Variants in ARHGAP9 observed in about 807,000 individuals in gnomAD.
ARHGAP9 encodes rho GTPase-activating protein 9.
ARHGAP9 carries 76 observed loss-of-function variants against 87.3 expected under a neutral mutation model. That is an observed-to-expected ratio of 0.87 (90% CI 0.72 to 1.05). ARHGAP9 has a LOEUF of 1.05. Ranked by LOEUF, ARHGAP9 falls within the 50% of genes least tolerant of loss-of-function variation. The pLI, the probability that ARHGAP9 is intolerant of heterozygous loss-of-function variation, is 0.00. For synonymous variants in ARHGAP9, 382 were observed against 394.9 expected (o/e 0.97, Z 0.39); for missense variants, 941 against 960.5 (o/e 0.98, Z 0.27).
Position 57,475,854 on chromosome 12 carries a change from C to T in ARHGAP9, c.1290G>A (p.Leu430=). 6.2e-7 allele frequency: 1 copy of T among 1,613,926 alleles called. No individual in the cohort carries two copies. Among genetic ancestry groups the T allele is most frequent in the South Asian group, 1.1e-5 (1 of 91,064 alleles). The change falls in exon 10 of 18, where the codon CTG becomes CTA. Residue 430 remains leucine, a synonymous_variant. Transcript: ENST00000393791. Reference sequence around the variant, plus strand: ...TAACCAGCCGCTCGATGACAGTCCGCAGCGCGCGGTGCCAGGCTCGCAGCT... The same window carrying T: ...TAACCAGCCGCTCGATGACAGTCCGTAGCGCGCGGTGCCAGGCTCGCAGCT... ...ETELRAWHRA[L]RTVIERLDRE... is the part of the protein sequence containing the mutation.
At chr12:57,488,444 C>T in intron 1 of ARHGAP9, 1 of 940,562 alleles carries the variant, frequency 1.1e-6, no homozygotes, top group Non-Finnish European at 1.6e-6. Context: ...TCCCGGTCCC[C>T]GCCTCACCCC....
intron 17 of ARHGAP9, 47 bp downstream of exon 17, chr12:57,473,556 C>T (rs747509436): frequency 3.9e-6 from 6 of 1,547,784 alleles, no homozygotes; most frequent in Non-Finnish European, 5.4e-6. Flanking sequence ...TGGCATTCCC[C>T]ACTCCACCTT....
Position 57,477,154 on chromosome 12 carries a change from A to G in ARHGAP9, c.870+2T>C. 6.2e-7 allele frequency: 1 copy of G among 1,613,544 alleles called. No homozygotes were observed. On this transcript the variant is annotated splice_donor_variant, in intron 5 of 17. Coordinates refer to ENST00000393791, the MANE Select transcript of ARHGAP9 (RefSeq NM_032496.4). LOFTEE classifies it high-confidence loss of function. ...GTGACTGGGAGATGGGAGGGATCTC[A>G]CCTGTGGGTCAAGCGGTTCTGGGGT...
At chr12:57,472,875 C>T (rs796362485) in intron 17 of ARHGAP9, among the ~76,000 whole-genome samples, 187 bp from the exon 18 acceptor site, 20 of 152,262 alleles carry the variant, frequency 1.3e-4, no homozygotes, top group African/African-American at 4.6e-4. Context: ...AGGATACAAC[C>T]TGAAGATATA....
intron 3 of ARHGAP9, 144 bp from the exon 4 acceptor site, chr12:57,477,824 G>A: frequency 1.0e-5 from 15 of 1,500,306 alleles, no homozygotes; most frequent in Non-Finnish European, 1.3e-5. Context: ...TACTGGGGGA[G>A]AAACCTCAGG....
intron 14 of ARHGAP9, 66 bp from the exon 15 acceptor site, chr12:57,474,542 T>G: frequency 1.2e-6 from 2 of 1,613,300 alleles, no homozygotes; most frequent in Non-Finnish European, 1.7e-6. Flanking sequence ...GCCTCTCTAT[T>G]CTGCCAGCTT....
intron 1 of ARHGAP9, chr12:57,488,228 G>C (rs1186728868): frequency 1.3e-6 from 2 of 1,591,220 alleles, no homozygotes; most frequent in Non-Finnish European, 1.7e-6. Flanking sequence ...GTGGGCGGTG[G>C]ATGGGGGGGC....
chr12:57,483,761 C>G (rs978223034), upstream of ARHGAP9: 1 of 329,656 alleles, frequency 3.0e-6, no homozygotes, highest in African/African-American at 2.2e-5. Context: ...GCATCTCAGC[C>G]AGGCGTGATG....
At position 57,472,404 on chromosome 12, in the gene ARHGAP9, T is replaced by C. The variant is rs538664444; in HGVS notation, c.*113A>G. 2 of 1,330,816 alleles carry C rather than the reference T, an allele frequency of 1.5e-6. No homozygotes were observed. The highest frequency in any genetic ancestry group is 1.0e-6 in the Non-Finnish European group (1 of 995,664). The allele number at this position is 1,330,816 out of a possible 1,614,324, so 82.4% of individuals were successfully genotyped here. The stretch of plus-strand genomic sequence containing the variant: ...ATCCCAACACCTCAAGTCACACTCA[T>C]GAAGATAGAGACAGTCATTTGGGAG... On this transcript the variant is annotated 3_prime_UTR_variant, in exon 18 of 18. Coordinates refer to ENST00000393791, the MANE Select transcript of ARHGAP9 (RefSeq NM_032496.4).
intron 17 of ARHGAP9, among the ~76,000 whole-genome samples, chr12:57,473,351 T>C (rs1872479638): frequency 6.6e-6 from 1 of 152,146 alleles, no homozygotes; most frequent in South Asian, 2.1e-4. Flanking sequence ...AGGCAGAGGT[T>C]GCAGTGAGCT....
intron 1 of ARHGAP9, among the ~76,000 whole-genome samples, chr12:57,485,556 GAA>G (rs71084757): frequency 7.5e-6 from 1 of 132,496 alleles, no homozygotes; most frequent in African/African-American, 2.8e-5. Flanking sequence ...GACTCCATCT[GAA>G]AAAAAAAAAA....
chr12:57,472,271 C>T lies in ARHGAP9; in HGVS notation c.*246G>A. On this transcript the variant is annotated 3_prime_UTR_variant, in exon 18 of 18. Transcript: ENST00000393791. The stretch of plus-strand genomic sequence containing the variant: ...TAAAGGAACTGCATCAGAAAAAATA[C>T]CATGCCACTTTATGTATTATTATGT... The T allele has an allele frequency of 5.0e-6, 3 of 603,424 alleles. No individual in the cohort carries two copies. The highest frequency in any genetic ancestry group is 5.6e-6 in the Non-Finnish European group (2 of 356,206). 37.4% of individuals were successfully genotyped at this position (603,424 alleles called of 1,614,324 possible). A position where few individuals can be genotyped will look rare whatever the true frequency, so the allele number is the denominator to read the frequency against.
chr12:57,479,424 C>T lies in ARHGAP9; in HGVS notation c.-18G>A, dbSNP rs1874751746. 1.2e-6 allele frequency: 2 copies of T among 1,604,106 alleles called. No individual in the cohort carries two copies. The highest frequency in any genetic ancestry group is 1.7e-6 in the Non-Finnish European group (2 of 1,175,900). ...GATAGCATTGTAGCCAGCACTGTCACCTGTGAGAAAAAGGGACACTGGAGA... is the reference window on the plus strand; with the variant it reads ...GATAGCATTGTAGCCAGCACTGTCATCTGTGAGAAAAAGGGACACTGGAGA... On this transcript the variant is annotated splice_region_variant and 5_prime_UTR_variant, in exon 2 of 18. In the 5' UTR this introduces an upstream ATG that the reference lacks. Transcript: ENST00000393791.
At chr12:57,482,597 C>T (rs554659010), upstream of ARHGAP9, among the ~76,000 whole-genome samples, 317 of 152,048 alleles carry the variant, frequency 2.1e-3, 2 homozygotes, top group Non-Finnish European at 3.7e-3. Context: ...CCCAGCTGCT[C>T]GGGAGGCTGA....
At chr12:57,487,130 A>G (rs958715902) in intron 1 of ARHGAP9, among the ~76,000 whole-genome samples, 1 of 151,516 alleles carries the variant, frequency 6.6e-6, no homozygotes, top group African/African-American at 2.4e-5. Context: ...GGCGCCTGCC[A>G]CCATGCCCAG....
At chr12:57,482,827 G>A (rs1388003407), upstream of ARHGAP9, among the ~76,000 whole-genome samples, 1 of 151,982 alleles carries the variant, frequency 6.6e-6, no homozygotes, top group Middle Eastern at 3.4e-3. Context: ...GGGTGCAGTG[G>A]CTCACATCCA....
rs770109230 is a variant in ARHGAP9 at position 57,479,816 on chromosome 12, GAAGA to G, written c.-109_-106del. The G allele has an allele frequency of 4.8e-5, 73 of 1,529,482 alleles. No individual in the cohort carries two copies. The highest frequency in any genetic ancestry group is 5.7e-5 in the Non-Finnish European group (65 of 1,136,746). The allele number at this position is 1,529,482 out of a possible 1,614,324, so 94.7% of individuals were successfully genotyped here. A position where few individuals can be genotyped will look rare whatever the true frequency, so the allele number is the denominator to read the frequency against. ...TGAGGTGGACACAGGAAGGAGATAA[GAAGA>G]AAGAATCAGGTTCAAGACAGAAACA... On this transcript the variant is annotated 5_prime_UTR_variant, in exon 1 of 18. Transcript: ENST00000393791.
chr12:57,482,453 G>A (rs1875090398), upstream of ARHGAP9, among the ~76,000 whole-genome samples: 2 of 152,196 alleles, frequency 1.3e-5, no homozygotes, highest in South Asian at 2.1e-4. Context: ...TGTTAGCCAG[G>A]ATGGTCTCGG....
In ARHGAP9 at chr12:57,474,157, G is replaced by A; in HGVS notation, c.1803C>T (p.Asp601=). Residue 601 remains aspartate (D), a synonymous_variant, in exon 16 of 18, where the codon GAC becomes GAT. Transcript: ENST00000393791. ...CATGAATGTCATCCCACTCAGTACTGTCCAAATCTAACCGACCTTCTGGAG... is the reference window on the plus strand; with the variant it reads ...CATGAATGTCATCCCACTCAGTACTATCCAAATCTAACCGACCTTCTGGAG... ...QPGQEGRLDL[D]STEWDDIHVV... The A allele has an allele frequency of 1.2e-6, 2 of 1,613,188 alleles. No individual in the cohort carries two copies. The highest frequency in any genetic ancestry group is 1.7e-6 in the Non-Finnish European group (2 of 1,179,398).
Sources: allele counts gnomAD v4.1 joint callset (sites outside exome capture counted in the v4.1 genomes callset), GRCh38; gene constraint gnomAD v4.1.1; transcripts MANE v1.5; gene names NCBI Gene and HGNC (gene_info 2026-07-23, HGNC 2026-07-21).